Variants in DUSP18 observed in about 807,000 individuals in gnomAD.
DUSP18 encodes dual specificity protein phosphatase 18.
Under a neutral mutation model 6.3 loss-of-function variants are expected in DUSP18, and 4 were observed. The observed-to-expected ratio is 0.63, with a 90% CI of 0.31 to 1.45. The LOEUF is 1.45. DUSP18 is among the 40% of genes most tolerant of loss of function. The probability of loss-of-function intolerance (pLI) is 0.07; values close to 1 mark genes in which losing one functional copy is unlikely to be tolerated. For synonymous variants in DUSP18, 96 were observed against 95.1 expected (o/e 1.01, Z -0.05); for missense variants, 235 against 247.7 (o/e 0.95, Z 0.34).
downstream of DUSP18, chr22:30,661,444 C>CTTTTTTTTTTT (rs56242112): frequency 6.5e-4 from 89 of 136,458 alleles, no homozygotes; most frequent in African/African-American, 7.0e-4. Flanking sequence ...TTTTCTTTTT[C>CTTTTTTTTTTT]TTTTTTTTTT....
At chr22:30,653,406 C>CT (rs2088265340) in intron 2 of DUSP18, among the ~76,000 whole-genome samples, 1 of 150,216 alleles carries the variant, frequency 6.7e-6, no homozygotes, top group Non-Finnish European at 1.5e-5. Flanking sequence ...GAGTCTTGCT[C>CT]TGTCACCCAG....
At chr22:30,660,217 G>C (rs2088429677), downstream of DUSP18, among the ~76,000 whole-genome samples, 1 of 152,202 alleles carries the variant, frequency 6.6e-6, no homozygotes, top group Non-Finnish European at 1.5e-5. Flanking sequence ...GAAAATATAT[G>C]GATGTTGTTT....
rs1363545204 is a variant in DUSP18 at position 30,663,599 on chromosome 22, C to T, written c.405G>A (p.Lys135=). Residue 135 remains lysine (K), a synonymous_variant, in exon 2 of 2, where the codon AAG becomes AAA. Transcript: ENST00000334679. ...TGGGTCGGATGATGGGCCGGCATGA[C>T]TTGGTCCACGTGTGGGCGTCCAGCA... ...MSLLDAHTWT[K]SCRPIIRPNS... 1 of 1,614,138 alleles carries T rather than the reference C, an allele frequency of 6.2e-7. No individual in the cohort carries two copies. Among genetic ancestry groups the T allele is most frequent in the Non-Finnish European group, 8.5e-7 (1 of 1,180,058 alleles).
rs1260254843 is a variant in DUSP18, at chr22:30,663,758, G to T, written c.246C>A (p.Phe82Leu). The T allele has an allele frequency of 6.2e-7, 1 of 1,614,114 alleles. No individual in the cohort carries two copies. Among genetic ancestry groups the T allele is most frequent in the African/African-American group, 1.3e-5 (1 of 74,938 alleles). The change falls in exon 2 of 2, where the codon TTC (phenylalanine) becomes TTA (leucine). Residue 82 changes from phenylalanine to leucine, a missense_variant. Physicochemically the swap from Phe to Leu is conservative, Grantham distance 22. Coordinates refer to ENST00000334679, the MANE Select transcript of DUSP18 (RefSeq NM_152511.5). Reference sequence around the variant, plus strand: ...GGATATGGTCAGCAATAGGGTCAAAGAAGTCACAGAGACGTGAGTTAGGGG... The same window carrying T: ...GGATATGGTCAGCAATAGGGTCAAATAAGTCACAGAGACGTGAGTTAGGGG... The part of the protein sequence containing the change: ...ADSPNSRLCD[F>L]FDPIADHIHS...
Position 30,664,083 on chromosome 22 carries a change from G to T in DUSP18, c.-77-3C>A. 1 of 1,366,022 alleles carries T rather than the reference G, an allele frequency of 7.3e-7. No homozygotes were observed. Among genetic ancestry groups the T allele is most frequent in the Non-Finnish European group, 1.0e-6 (1 of 997,024 alleles). The allele number at this position is 1,366,022 out of a possible 1,614,324, so 84.6% of individuals were successfully genotyped here. On this transcript the variant is annotated splice_polypyrimidine_tract_variant and splice_region_variant and intron_variant, in intron 1 of 1. Coordinates refer to ENST00000334679, the MANE Select transcript of DUSP18 (RefSeq NM_152511.5). ...TGCTAGGCTGTGTCCATGGAAAACT[G>T]CAGAGAGGGAGAGGATGTTTAGAGG...
chr22:30,659,357 T>A (rs1391986409), downstream of DUSP18, among the ~76,000 whole-genome samples: 1 of 152,122 alleles, frequency 6.6e-6, no homozygotes, highest in Admixed American at 6.6e-5. Context: ...GTTGGAATTA[T>A]CAGAAAAAGA....
chr22:30,664,133 A>C, intron 1 of DUSP18, 53 bp from the exon 2 acceptor site: 1 of 817,926 alleles, frequency 1.2e-6, no homozygotes, highest in Non-Finnish European at 1.9e-6. Flanking sequence ...GGCCAATTCC[A>C]GGGGATCCCT....
rs1235215148 is a variant in DUSP18 at position 30,655,329 on chromosome 22, C to T, written c.*34-3032G>A. ...AAAAATAGCCAAGTATGGTGGTGCA[C>T]GCCTGTAGTCCCAGCTACTTGGGAG... is the stretch of plus-strand genomic sequence containing the variant. On this transcript the variant is annotated intron_variant, in intron 2 of 2. Transcript: ENST00000404885. 4.1e-5 allele frequency among the ~76,000 whole-genome samples: 6 copies of T among 147,386 alleles called. No individual in the cohort carries two copies. In the East Asian group the frequency reaches 8.0e-4, roughly 20 times the overall value.
chr22:30,659,987 C>T (rs2088426155), downstream of DUSP18, among the ~76,000 whole-genome samples: 1 of 152,164 alleles, frequency 6.6e-6, no homozygotes, highest in South Asian at 2.1e-4. Flanking sequence ...AAGGCCAACC[C>T]CCAGCTGACA....
chr22:30,667,014 A>G (rs2088696765), intron 1 of DUSP18: 1 of 152,230 alleles, frequency 6.6e-6, no homozygotes, highest in Non-Finnish European at 1.5e-5. Flanking sequence ...TGAAGAAATC[A>G]CAAAAGATCT....
At chr22:30,666,946 A>T (rs1476618500) in intron 1 of DUSP18, 1 of 152,182 alleles carries the variant, frequency 6.6e-6, no homozygotes, top group African/African-American at 2.4e-5. Context: ...GCTCTGTGAA[A>T]GGGAAGTGTA....
At chr22:30,666,201 G>C (rs974439078) in intron 1 of DUSP18, among the ~76,000 whole-genome samples, 1 of 152,162 alleles carries the variant, frequency 6.6e-6, no homozygotes, top group Non-Finnish European at 1.5e-5. Context: ...CCCCAAACCA[G>C]TGCCCAGTGG....
downstream of DUSP18, among the ~76,000 whole-genome samples, chr22:30,659,844 G>A (rs977315553): frequency 6.6e-6 from 1 of 152,152 alleles, no homozygotes; most frequent in Non-Finnish European, 1.5e-5. Flanking sequence ...TTAAAGCAGA[G>A]TGATTCTCTC....
downstream of DUSP18, among the ~76,000 whole-genome samples, chr22:30,657,906 A>AAATAAT (rs56297954): frequency 7.7e-4 from 100 of 129,942 alleles, no homozygotes; most frequent in East Asian, 2.0e-3. Context: ...TCTGTCTCAA[A>AAATAAT]AATAATAATA....
At chr22:30,653,010 T>C (rs908112227) in intron 2 of DUSP18, among the ~76,000 whole-genome samples, 1 of 152,166 alleles carries the variant, frequency 6.6e-6, no homozygotes, top group Non-Finnish European at 1.5e-5. Flanking sequence ...CCTGGAGCCC[T>C]ATGAGGAATT....
intron 1 of DUSP18, among the ~76,000 whole-genome samples, chr22:30,666,451 G>A (rs1000818153): frequency 2.0e-5 from 3 of 151,882 alleles, no homozygotes; most frequent in African/African-American, 4.8e-5. Flanking sequence ...TGAAACCCCC[G>A]TCTCTACTAA....
At chr22:30,655,507 CTTT>C (rs113225590) in intron 2 of DUSP18, among the ~76,000 whole-genome samples, 1 of 145,814 alleles carries the variant, frequency 6.9e-6, no homozygotes, top group Non-Finnish European at 1.5e-5. Context: ...ACAAAATATC[CTTT>C]TTTTTTTTCT....
At chr22:30,655,536 T>C (rs1198685729) in intron 2 of DUSP18, among the ~76,000 whole-genome samples, 1 of 151,632 alleles carries the variant, frequency 6.6e-6, no homozygotes, top group Non-Finnish European at 1.5e-5. Flanking sequence ...GAAAAGTAAT[T>C]ACAAATGTTT....
chr22:30,658,186 T>TTA, downstream of DUSP18, among the ~76,000 whole-genome samples: 1 of 151,620 alleles, frequency 6.6e-6, no homozygotes, highest in Non-Finnish European at 1.5e-5. Context: ...GCAGTCTGTC[T>TTA]CTCCCACTGG....
Sources: gnomAD v4.1 joint callset for allele counts (sites outside exome capture counted in the v4.1 genomes callset) on GRCh38, gnomAD v4.1.1 for gene constraint, MANE v1.5 for transcripts, NCBI Gene and HGNC (gene_info 2026-07-23, HGNC 2026-07-21) for gene names.